Variants in SBF2 observed in about 807,000 individuals in gnomAD.
The protein encoded by SBF2 is myotubularin-related protein 13.
Under a neutral mutation model 225.2 loss-of-function variants are expected in SBF2, and 112 were observed. The ratio of observed to expected loss-of-function variants is 0.50; its 90% CI spans 0.43 to 0.58. The LOEUF is 0.58. Ranked by LOEUF, SBF2 falls within the 20% of genes least tolerant of loss-of-function variation. The probability of loss-of-function intolerance (pLI) is 0.00; values close to 1 mark genes in which losing one functional copy is unlikely to be tolerated. For missense variants in SBF2, 1,996 were observed against 2,206.2 expected (o/e 0.90, Z 1.91); for synonymous variants, 763 against 773.3 (o/e 0.99, Z 0.22).
At chr11:9,994,577 C>CGTATATATATATATATATATATATATAT (rs1554977646) in intron 9 of SBF2, among the ~76,000 whole-genome samples, 1 of 134,080 alleles carries the variant, frequency 7.5e-6, no homozygotes, top group Non-Finnish European at 1.6e-5. Context: ...TATATATGTA[C>CGTATATATATATATATATATATATATAT]ATATATATAT....
chr11:10,196,936 T>G (rs1957398407), intron 1 of SBF2, among the ~76,000 whole-genome samples: 1 of 149,504 alleles, frequency 6.7e-6, no homozygotes, highest in African/African-American at 2.4e-5. Flanking sequence ...ACTTAATATT[T>G]TACAAAGGGC....
chr11:10,266,441 G>A (rs11042702), intron 1 of SBF2, among the ~76,000 whole-genome samples: 74,854 of 151,940 alleles, frequency 0.49, 18,822 homozygotes, highest in Non-Finnish European at 0.54. Context: ...GGCTAGATAC[G>A]GGTAAATGCA....
intron 16 of SBF2, among the ~76,000 whole-genome samples, chr11:9,947,059 A>G (rs1865606259): frequency 1.3e-5 from 2 of 152,226 alleles, no homozygotes; most frequent in Admixed American, 6.5e-5. Flanking sequence ...AAAAGCATTA[A>G]TAAGTTTTTT....
chr11:9,850,300 G>T (rs1281218676), intron 21 of SBF2, 82 bp from the exon 22 acceptor site: 4 of 1,309,274 alleles, frequency 3.1e-6, no homozygotes, highest in Non-Finnish European at 4.3e-6. Flanking sequence ...CTGTTGCCCA[G>T]CCTAGAATAC....
chr11:10,069,390 A>G (rs566480728), intron 2 of SBF2, among the ~76,000 whole-genome samples: 1 of 139,996 alleles, frequency 7.1e-6, no homozygotes, highest in African/African-American at 2.7e-5. Context: ...ATTCCCACCT[A>G]TGAGTGAGAA....
At chr11:9,897,150 GCGGT>G (rs1861330342) in intron 16 of SBF2, among the ~76,000 whole-genome samples, 1 of 152,114 alleles carries the variant, frequency 6.6e-6, no homozygotes, top group Admixed American at 6.6e-5. Context: ...TAAACACAAT[GCGGT>G]ATACAAGCAC....
chr11:9,998,443 T>C (rs982841066), intron 8 of SBF2, 64 bp from the exon 9 acceptor site: 2 of 914,254 alleles, frequency 2.2e-6, no homozygotes, highest in Admixed American at 1.8e-5. Flanking sequence ...GCAAATTATT[T>C]TTCCCTTGAC....
Position 9,785,251 on chromosome 11 carries a change from G to A in SBF2, c.5105C>T (p.Ser1702Phe), listed in dbSNP as rs1852293401. 1.2e-6 allele frequency: 2 copies of A among 1,614,044 alleles called. No individual in the cohort carries two copies. The highest frequency in any genetic ancestry group is 1.7e-6 in the Non-Finnish European group (2 of 1,179,996). ...GCTGCTGTCTGGGAGATGTAGCAGA[G>A]ACCTCTTCTGATAGGAAGGTAGGTT... ...STNLPSYQKR[S>F]LLHLPDSSMG... Residue 1702 changes from serine (S) to phenylalanine (F), a missense_variant, in exon 37 of 40, where the codon TCT becomes TTT. Transcript: ENST00000256190.
At position 9,780,532 on chromosome 11, in the gene SBF2, A is replaced by G. The variant is rs202053502; in HGVS notation, c.5452-16T>C. 9.3e-6 allele frequency: 15 copies of G among 1,609,656 alleles called. No homozygotes were observed. In the African/African-American group the frequency reaches 2.0e-4, roughly 21 times the overall value. ...TGGTCTTGAGCTACAAAACCAAATG[A>G]CAGTGAACCAGAGATGAAGGGCAGG... On this transcript the variant is annotated splice_polypyrimidine_tract_variant and intron_variant, in intron 39 of 39. Transcript: ENST00000256190.
chr11:10,024,986 A>G (rs1325503124), intron 6 of SBF2, among the ~76,000 whole-genome samples: 5 of 152,080 alleles, frequency 3.3e-5, no homozygotes, highest in Non-Finnish European at 7.4e-5. Flanking sequence ...TTCCTTCACT[A>G]TTTCAAATAT....
intron 2 of SBF2, among the ~76,000 whole-genome samples, chr11:10,063,846 CACACACACACACAGAGAG>C (rs1290424583): frequency 7.3e-6 from 1 of 136,840 alleles, no homozygotes; most frequent in Non-Finnish European, 1.6e-5. Flanking sequence ...CACACACACA[CACACACACACACAGAGAG>C]AGAGAGAGAG....
Position 9,812,728 on chromosome 11 carries a change from G to T in SBF2, c.3979-20C>A, listed in dbSNP as rs1176068872. The T allele has an allele frequency of 1.2e-6, 2 of 1,612,392 alleles. No individual in the cohort carries two copies. Among genetic ancestry groups the T allele is most frequent in the Non-Finnish European group, 1.7e-6 (2 of 1,178,958 alleles). Reference sequence around the variant, plus strand: ...GAAGTTCTGCGGATGAAGATTCAGAGAATTAGGCAGATGAAGTGCTATAGG... The same window carrying T: ...GAAGTTCTGCGGATGAAGATTCAGATAATTAGGCAGATGAAGTGCTATAGG... On this transcript the variant is annotated intron_variant, in intron 29 of 39. Coordinates refer to ENST00000256190, the MANE Select transcript of SBF2 (RefSeq NM_030962.4).
At chr11:9,945,431 T>C (rs911204338) in intron 16 of SBF2, among the ~76,000 whole-genome samples, 5 of 152,296 alleles carry the variant, frequency 3.3e-5, no homozygotes, top group South Asian at 4.1e-4. Context: ...CCTTTCACTA[T>C]ATACAAAAAT....
intron 17 of SBF2, among the ~76,000 whole-genome samples, chr11:9,872,907 AAAG>A (rs1297657552): frequency 2.0e-5 from 3 of 152,134 alleles, no homozygotes; most frequent in Non-Finnish European, 4.4e-5. Flanking sequence ...GTACATCATA[AAAG>A]AAGAACAGGG....
intron 28 of SBF2, among the ~76,000 whole-genome samples, chr11:9,818,278 T>C (rs1854564942): frequency 6.6e-6 from 1 of 152,214 alleles, no homozygotes; most frequent in Non-Finnish European, 1.5e-5. Flanking sequence ...AAGGGCAAGC[T>C]AAAATGCTAG....
At chr11:10,109,394 G>A (rs1952729265) in intron 2 of SBF2, among the ~76,000 whole-genome samples, 1 of 152,150 alleles carries the variant, frequency 6.6e-6, no homozygotes, top group African/African-American at 2.4e-5. Context: ...AGCTTGATTT[G>A]GCAGTCTCAA....
intron 16 of SBF2, chr11:9,956,903 C>T (rs1866210160): frequency 6.6e-6 from 1 of 152,206 alleles, no homozygotes; most frequent in African/African-American, 2.4e-5. Context: ...GACTCTAGCC[C>T]TGTCCCCATA....
intron 2 of SBF2, among the ~76,000 whole-genome samples, chr11:10,124,959 GC>G (rs373032521): frequency 6.6e-6 from 1 of 151,910 alleles, no homozygotes; most frequent in African/African-American, 2.4e-5. Flanking sequence ...ACAAAAATTA[GC>G]CGGGCGTGGT....
rs555218657 is a variant in SBF2, at chr11:10,303,412, C to T, written n.386+1080G>A. ...TAACTTCCGCGCGGCCATTTCTTCCCCAGGTGCAATGTCCACTGTTGAGTC... is the reference window on the plus strand; with the variant it reads ...TAACTTCCGCGCGGCCATTTCTTCCTCAGGTGCAATGTCCACTGTTGAGTC... On this transcript the variant is annotated intron_variant and non_coding_transcript_variant, in intron 1 of 5. Transcript: ENST00000685217. The surrounding 1 kb of genome is among the most constrained non-coding windows in gnomAD (Gnocchi z 5.2). 1.3e-5 allele frequency: 2 copies of T among 152,446 alleles called. No homozygotes were observed. The highest frequency in any genetic ancestry group is 6.5e-5 in the Admixed American group (1 of 15,312). 9.4% of individuals were successfully genotyped at this position (152,446 alleles called of 1,614,324 possible).
Sources: allele counts gnomAD v4.1 joint callset (sites outside exome capture counted in the v4.1 genomes callset), GRCh38; gene constraint gnomAD v4.1.1; non-coding constraint Gnocchi (gnomAD v3.1); transcripts MANE v1.5; gene names NCBI Gene and HGNC (gene_info 2026-07-23, HGNC 2026-07-21).